The following NASP variants were observed in gnomAD, a reference collection of about 807,000 sequenced individuals.
NASP encodes NASP histone chaperone.
In NASP, 24 loss-of-function variants were observed where a neutral mutation model predicts 89.5. That is an observed-to-expected ratio of 0.27 (90% CI 0.19 to 0.38). NASP has a LOEUF of 0.38. Among genes scored for constraint, NASP ranks in the 10% least tolerant of loss-of-function variants. The pLI, the probability that NASP is intolerant of heterozygous loss-of-function variation, is 1.00. For synonymous variants in NASP, 306 were observed against 324.7 expected (o/e 0.94, Z 0.62); for missense variants, 848 against 921.4 (o/e 0.92, Z 1.03).
At chr1:45,595,132 TGTGTG>T (rs1643660644) in intron 2 of NASP, among the ~76,000 whole-genome samples, 2 of 11,052 alleles carry the variant, frequency 1.8e-4, no homozygotes, top group Non-Finnish European at 4.8e-4. Context: ...CTAAGTTTTG[TGTGTG>T]TGTGTGTGTG....
intron 1 of NASP, among the ~76,000 whole-genome samples, chr1:45,589,409 G>A (rs1643457849): frequency 6.6e-6 from 1 of 152,140 alleles, no homozygotes; most frequent in African/African-American, 2.4e-5. Context: ...ACAGGAGAGA[G>A]CCACTGCACC....
rs1264707560 is a variant in NASP, at chr1:45,607,377, G to C, written c.466G>C (p.Glu156Gln). ...TTATGACGCCATGGGAGAAAAAGAA[G>C]AAGCCAAAAAAACAGAAGACAAGTC... is the stretch of plus-strand genomic sequence containing the variant. ...QVYDAMGEKEEAKKTEDKSLA... is the reference protein window; with the variant it reads ...QVYDAMGEKEQAKKTEDKSLA... The change falls in exon 6 of 15, where the codon GAA (glutamate) becomes CAA (glutamine). Residue 156 changes from glutamate (E) to glutamine (Q), a missense_variant. By Grantham distance (29) the Glu-to-Gln change is conservative. Coordinates refer to ENST00000350030, the MANE Select transcript of NASP (RefSeq NM_002482.4). 1.2e-6 allele frequency: 2 copies of C among 1,613,890 alleles called. No homozygotes were observed. The highest frequency in any genetic ancestry group is 1.7e-6 in the Non-Finnish European group (2 of 1,179,950).
At chr1:45,617,864 G>A (rs889109737) in intron 14 of NASP, among the ~76,000 whole-genome samples, 197 bp from the exon 15 acceptor site, 3 of 152,214 alleles carry the variant, frequency 2.0e-5, no homozygotes, top group African/African-American at 4.8e-5. Context: ...TTCCTTCCAC[G>A]TGATGATTAT....
chr1:45,598,952 C>CA (rs1385308631), intron 2 of NASP, among the ~76,000 whole-genome samples: 1 of 151,784 alleles, frequency 6.6e-6, no homozygotes, highest in Non-Finnish European at 1.5e-5. Context: ...TTGCCCCGGC[C>CA]AAAAAAACAT....
intron 7 of NASP, 88 bp from the exon 8 acceptor site, chr1:45,614,008 T>G: frequency 9.4e-7 from 1 of 1,066,450 alleles, no homozygotes; most frequent in Non-Finnish European, 1.4e-6. Context: ...GAATCGTATA[T>G]CAACTTTTTT....
intron 1 of NASP, among the ~76,000 whole-genome samples, chr1:45,589,190 T>C (rs886279893): frequency 1.3e-5 from 2 of 152,194 alleles, no homozygotes; most frequent in African/African-American, 4.8e-5. Flanking sequence ...TATAGTGGTA[T>C]GATCATAGCT....
At chr1:45,617,807 C>T (rs1488539200) in intron 14 of NASP, among the ~76,000 whole-genome samples, 2 of 152,306 alleles carry the variant, frequency 1.3e-5, no homozygotes, top group East Asian at 3.9e-4. Flanking sequence ...ATAGGTCCCT[C>T]GATGAATATA....
intron 1 of NASP, chr1:45,588,561 T>A: frequency 2.3e-6 from 1 of 433,202 alleles, no homozygotes; most frequent in Non-Finnish European, 4.6e-6. Flanking sequence ...GTTAGCAATG[T>A]ATGGGAGTAC....
intron 1 of NASP, among the ~76,000 whole-genome samples, chr1:45,590,054 A>G (rs888065373): frequency 1.3e-5 from 2 of 152,152 alleles, no homozygotes; most frequent in Non-Finnish European, 2.9e-5. Flanking sequence ...AGATTCTTCA[A>G]CCTTACCTCA....
chr1:45,613,237 C>G lies in NASP; in HGVS notation c.1495C>G (p.Leu499Val). Residue 499 changes from leucine (L) to valine (V), a missense_variant, in exon 7 of 15, where the codon CTT becomes GTT. By Grantham distance (32) the Leu-to-Val change is conservative. Around this residue, in one of 5 missense-constraint regions of NASP, gnomAD observed 464 missense variants for 469.4 expected, o/e 0.99. Transcript: ENST00000350030. The stretch of plus-strand genomic sequence containing the variant: ...CGAAGAAATGCCAAATGATTCAGTC[C>G]TTGAAAACAAGGTATGTTGTTAGCC... ...KTEEMPNDSVLENKSLQENEE... is the reference protein window; with the variant it reads ...KTEEMPNDSVVENKSLQENEE... 1.2e-6 allele frequency: 2 copies of G among 1,610,572 alleles called. No homozygotes were observed. The highest frequency in any genetic ancestry group is 2.2e-5 in the South Asian group (2 of 90,636).
At position 45,614,282 on chromosome 1, in the gene NASP, C is replaced by T. The variant is rs1557666056; in HGVS notation, c.1593-11C>T. The T allele has an allele frequency of 3.1e-6, 5 of 1,612,860 alleles. No individual in the cohort carries two copies. The highest frequency in any genetic ancestry group is 4.5e-5 in the East Asian group (2 of 44,858). On this transcript the variant is annotated splice_polypyrimidine_tract_variant and intron_variant, in intron 8 of 14. Transcript: ENST00000350030. ...ACTGTTAAGGTTTTTGATCAATTTT[C>T]CTTCTTTTAGGCAAGAAACAAAAGA... is the stretch of plus-strand genomic sequence containing the variant.
chr1:45,608,495 A>T (rs1193967847), intron 6 of NASP, 158 bp downstream of exon 6: 9 of 703,994 alleles, frequency 1.3e-5, no homozygotes, highest in Non-Finnish European at 2.1e-5. Context: ...AGGTCGTGAT[A>T]GTCAAGTAAG....
chr1:45,586,270 GT>G (rs1335009768), intron 1 of NASP, among the ~76,000 whole-genome samples: 48 of 62,352 alleles, frequency 7.7e-4, no homozygotes, highest in African/African-American at 2.7e-3. Flanking sequence ...GTGTGTGTGT[GT>G]GTGTGTGTGT....
At chr1:45,615,603 A>C in intron 11 of NASP, 132 bp downstream of exon 11, 1 of 841,916 alleles carries the variant, frequency 1.2e-6, no homozygotes, top group Non-Finnish European at 1.8e-6. Flanking sequence ...CCTATCAAGT[A>C]ATGCAGTGGT....
rs1644084894 is a variant in NASP at position 45,615,285 on chromosome 1, A to C, written c.1856-20A>C. The C allele has an allele frequency of 1.9e-6, 3 of 1,612,478 alleles. No individual in the cohort carries two copies. In the East Asian group the frequency reaches 6.7e-5, roughly 36 times the overall value. Reference sequence around the variant, plus strand: ...AACAGTTCTTTTTTGAGCCATTACTAATCACTTTATTCTTTTTAGCTGTAC... The same window carrying C: ...AACAGTTCTTTTTTGAGCCATTACTCATCACTTTATTCTTTTTAGCTGTAC... On this transcript the variant is annotated intron_variant, in intron 10 of 14. Coordinates refer to ENST00000350030, the MANE Select transcript of NASP (RefSeq NM_002482.4).
chr1:45,599,959 T>C (rs929974367), intron 2 of NASP, among the ~76,000 whole-genome samples: 43 of 147,726 alleles, frequency 2.9e-4, no homozygotes, highest in Non-Finnish European at 4.9e-4. Flanking sequence ...CTGTATTTTT[T>C]TTTTTTTTTT....
chr1:45,616,855 T>C, intron 13 of NASP, 152 bp downstream of exon 13: 1 of 772,262 alleles, frequency 1.3e-6, no homozygotes, highest in Non-Finnish European at 2.1e-6. Flanking sequence ...TGTGTTTTGT[T>C]TTGTTTTGAG....
At chr1:45,585,120 G>T (rs982006621) in intron 1 of NASP, among the ~76,000 whole-genome samples, 1 of 152,174 alleles carries the variant, frequency 6.6e-6, no homozygotes, top group African/African-American at 2.4e-5. Flanking sequence ...TTTTGAAAGC[G>T]GCACAGTGCC....
intron 1 of NASP, chr1:45,588,672 G>C (rs965860869): frequency 9.0e-6 from 4 of 444,992 alleles, no homozygotes; most frequent in African/African-American, 8.2e-5. Context: ...GGGCGCGGTG[G>C]CTCACACCTG....
Sources: allele counts gnomAD v4.1 joint callset (sites outside exome capture counted in the v4.1 genomes callset), GRCh38; gene constraint gnomAD v4.1.1; regional missense constraint gnomAD v4.1.1; transcripts MANE v1.5; gene names NCBI Gene and HGNC (gene_info 2026-07-23, HGNC 2026-07-21).